B3GLCT: variants seen among roughly 807,000 people sequenced by gnomAD.
The protein encoded by B3GLCT is beta-1,3-glucosyltransferase.
In B3GLCT, 65 loss-of-function variants were observed where a neutral mutation model predicts 63.4. That is an observed-to-expected ratio of 1.03 (90% CI 0.84 to 1.26). The LOEUF is 1.26. B3GLCT is among the 50% of genes most tolerant of loss of function. The pLI is 0.00. For missense variants in B3GLCT, 577 were observed against 604.8 expected (o/e 0.95, Z 0.48); for synonymous variants, 233 against 219.2 (o/e 1.06, Z -0.55).
chr13:31,270,727 C>T (rs748431879), intron 8 of B3GLCT, among the ~76,000 whole-genome samples: 2 of 152,140 alleles, frequency 1.3e-5, no homozygotes, highest in Admixed American at 1.3e-4. Flanking sequence ...TATTTTATTA[C>T]GTATGAATGT....
Position 31,308,176 on chromosome 13 carries a change from C to T in B3GLCT, c.1065-9390C>T, listed in dbSNP as rs193033872. Among the ~76,000 whole-genome samples the T allele has an allele frequency of 5.8e-4, 25 of 43,420 alleles. No homozygotes were observed. In the East Asian group the frequency reaches 8.5e-3, roughly 15 times the overall value. The allele number at this position is 43,420 out of a possible 152,430, so 28.5% of individuals were successfully genotyped here. A position where few individuals can be genotyped will look rare whatever the true frequency, so the allele number is the denominator to read the frequency against. ...GAAGGGGAATATCACACTCTGGTGACTGTGGTGGGGTCGGGGGAGGGGGGA... is the reference window on the plus strand; with the variant it reads ...GAAGGGGAATATCACACTCTGGTGATTGTGGTGGGGTCGGGGGAGGGGGGA... On this transcript the variant is annotated intron_variant, in intron 12 of 14. Transcript: ENST00000343307.
intron 14 of B3GLCT, among the ~76,000 whole-genome samples, chr13:31,324,601 T>C (rs1875512467): frequency 6.6e-6 from 1 of 152,200 alleles, no homozygotes; most frequent in African/African-American, 2.4e-5. Context: ...TAACCATAGA[T>C]CCATACCCAT....
Position 31,269,209 on chromosome 13 carries a change from T to C in B3GLCT, c.597-5T>C. ...AAAAAAAATCAAATTGTCTCTATTT[T>C]CTAGGCTTACCAAGAGACTAAAGAG... is the stretch of plus-strand genomic sequence containing the variant. On this transcript the variant is annotated splice_polypyrimidine_tract_variant and splice_region_variant and intron_variant, in intron 7 of 14. Coordinates refer to ENST00000343307, the MANE Select transcript of B3GLCT (RefSeq NM_194318.4). The C allele has an allele frequency of 6.2e-7, 1 of 1,603,474 alleles. No homozygotes were observed. The highest frequency in any genetic ancestry group is 8.5e-7 in the Non-Finnish European group (1 of 1,170,658).
At chr13:31,325,790 A>G (rs180757364) in intron 14 of B3GLCT, among the ~76,000 whole-genome samples, 13 of 152,346 alleles carry the variant, frequency 8.5e-5, no homozygotes, top group Non-Finnish European at 1.0e-4. Context: ...GTTCATCTTC[A>G]CAAAGAAATA....
intron 1 of B3GLCT, 102 bp downstream of exon 1, chr13:31,200,256 A>T (rs1244922646): frequency 1.6e-6 from 1 of 633,684 alleles, no homozygotes; most frequent in African/African-American, 2.0e-5. Flanking sequence ...AGGGCGGCCC[A>T]GCCCTGCCCC....
intron 12 of B3GLCT, among the ~76,000 whole-genome samples, chr13:31,295,983 A>C (rs1324176303): frequency 6.6e-6 from 1 of 152,156 alleles, no homozygotes. Context: ...GGTTGTGAAG[A>C]CCGTGGGACA....
intron 12 of B3GLCT, among the ~76,000 whole-genome samples, chr13:31,314,221 C>T (rs895828818): frequency 3.3e-5 from 5 of 152,150 alleles, no homozygotes; most frequent in African/African-American, 9.7e-5. Flanking sequence ...TACTGGGGCA[C>T]CACCTAGTGG....
chr13:31,242,136 C>T (rs1236299173), intron 4 of B3GLCT, among the ~76,000 whole-genome samples: 2 of 152,034 alleles, frequency 1.3e-5, no homozygotes, highest in African/African-American at 4.8e-5. Context: ...CAGTCCTATA[C>T]CTCAGTTCTG....
chr13:31,212,694 G>A (rs567031539), intron 1 of B3GLCT, among the ~76,000 whole-genome samples: 29 of 152,178 alleles, frequency 1.9e-4, no homozygotes, highest in Admixed American at 9.8e-4. Flanking sequence ...ACACAGATGT[G>A]AGCCACCACG....
At chr13:31,285,770 G>A (rs775143082) in intron 11 of B3GLCT, among the ~76,000 whole-genome samples, 1 of 152,242 alleles carries the variant, frequency 6.6e-6, no homozygotes, top group South Asian at 2.1e-4. Flanking sequence ...AAGGTTAAGT[G>A]TATTACTGAG....
chr13:31,266,852 C>T (rs1039784082), intron 7 of B3GLCT, among the ~76,000 whole-genome samples: 7 of 152,152 alleles, frequency 4.6e-5, no homozygotes, highest in African/African-American at 1.7e-4. Flanking sequence ...CTCACTGCAA[C>T]CTCTACTTCC....
chr13:31,316,434 T>TATATATATATATATATATATATATATAGA (rs1566096071), intron 12 of B3GLCT, among the ~76,000 whole-genome samples: 1 of 110,844 alleles, frequency 9.0e-6, no homozygotes. Flanking sequence ...TATATATAAA[T>TATATATATATATATATATATATATATAGA]TTTTTTTTTT....
intron 4 of B3GLCT, among the ~76,000 whole-genome samples, chr13:31,232,534 G>T (rs545628029): frequency 6.6e-6 from 1 of 152,304 alleles, no homozygotes; most frequent in Non-Finnish European, 1.5e-5. Flanking sequence ...CTGCCCCCAT[G>T]ATCCAGTCAC....
intron 1 of B3GLCT, among the ~76,000 whole-genome samples, chr13:31,204,431 A>G (rs1175095889): frequency 6.6e-6 from 1 of 152,190 alleles, no homozygotes; most frequent in Non-Finnish European, 1.5e-5. Context: ...GGGTCAAGGA[A>G]GGCTTCCTAG....
intron 10 of B3GLCT, among the ~76,000 whole-genome samples, chr13:31,278,658 A>G (rs746534222): frequency 1.3e-5 from 2 of 152,236 alleles, no homozygotes; most frequent in African/African-American, 2.4e-5. Context: ...GCATGACTTC[A>G]TGTAGCCTGC....
intron 7 of B3GLCT, among the ~76,000 whole-genome samples, chr13:31,269,001 G>A (rs1001608102): frequency 3.9e-5 from 6 of 152,160 alleles, no homozygotes; most frequent in Non-Finnish European, 8.8e-5. Context: ...TTGGAATAAT[G>A]AATGCTACTT....
intron 4 of B3GLCT, among the ~76,000 whole-genome samples, chr13:31,233,066 T>C (rs1447141131): frequency 6.6e-6 from 1 of 152,220 alleles, no homozygotes; most frequent in Non-Finnish European, 1.5e-5. Context: ...GATCCTTCCA[T>C]AGCACCTTGA....
At chr13:31,213,825 C>G (rs1458314226) in intron 1 of B3GLCT, among the ~76,000 whole-genome samples, 1 of 151,896 alleles carries the variant, frequency 6.6e-6, no homozygotes, top group African/African-American at 2.4e-5. Context: ...CTTGGGGAGG[C>G]CTTGTATAAT....
chr13:31,206,277 T>C (rs1404383643), intron 1 of B3GLCT, among the ~76,000 whole-genome samples: 1 of 152,232 alleles, frequency 6.6e-6, no homozygotes, highest in Non-Finnish European at 1.5e-5. Context: ...TTTGTTAAAA[T>C]GCAGATTCCT....
Sources: allele counts gnomAD v4.1 joint callset (sites outside exome capture counted in the v4.1 genomes callset), GRCh38; gene constraint gnomAD v4.1.1; transcripts MANE v1.5; gene names NCBI Gene and HGNC (gene_info 2026-07-23, HGNC 2026-07-21).